The following SMG1 variants were observed in gnomAD, a reference collection of about 807,000 sequenced individuals.
The protein encoded by SMG1 is SMG1 nonsense mediated mRNA decay associated PI3K related kinase, also known as serine/threonine-protein kinase SMG1.
In SMG1, 22 loss-of-function variants were observed where a neutral mutation model predicts 419.9. The ratio of observed to expected loss-of-function variants is 0.05; its 90% confidence interval spans 0.04 to 0.07. SMG1 has a LOEUF of 0.07. Ranked by LOEUF, SMG1 falls within the 10% of genes least tolerant of loss-of-function variation. The pLI is 1.00. For missense variants in SMG1, 3,185 were observed against 4,342.0 expected, an observed-to-expected ratio of 0.73 and a Z score of 7.49; for synonymous variants, 1,538 against 1,553.5, an observed-to-expected ratio of 0.99 and a Z score of 0.23.
intron 51 of SMG1, among the ~76,000 whole-genome samples, chr16:18,830,888 T>C (rs1303294181): frequency 2.6e-5 from 4 of 152,254 alleles, no homozygotes; most frequent in Non-Finnish European, 5.9e-5. Flanking sequence ...ATGACTGTTA[T>C]GTGATTAAAT....
At chr16:18,876,964 T>A (rs1171998240) in intron 12 of SMG1, among the ~76,000 whole-genome samples, 167 bp downstream of exon 12, 1 of 152,158 alleles carries the variant, frequency 6.6e-6, no homozygotes, top group Middle Eastern at 3.2e-3. Flanking sequence ...AAGTATTCAG[T>A]ATGATTCTCA....
chr16:18,810,592 A>C (rs2031295668), intron 62 of SMG1, among the ~76,000 whole-genome samples: 1 of 152,306 alleles, frequency 6.6e-6, no homozygotes, highest in South Asian at 2.1e-4. Context: ...TAAGGGGAGG[A>C]CCATCTATCT....
At chr16:18,887,020 C>G (rs1489038997) in intron 6 of SMG1, among the ~76,000 whole-genome samples, 1 of 152,128 alleles carries the variant, frequency 6.6e-6, no homozygotes, top group Non-Finnish European at 1.5e-5. Context: ...GAGATGCATA[C>G]TAAAACATTA....
Position 18,869,250 on chromosome 16 carries a change from C to T in SMG1, c.2687G>A (p.Arg896His), listed in dbSNP as rs1052925102. 13 of 1,611,436 alleles carry T rather than the reference C, an allele frequency of 8.1e-6. No homozygotes were observed. Among genetic ancestry groups the T allele is most frequent in the African/African-American group, 1.3e-5 (1 of 74,826 alleles). ...LFYSCQRLDK[R>H]DQSTIPRNLL... The stretch of plus-strand genomic sequence containing the variant: ...ATTGCGTGGAATTGTTGACTGGTCA[C>T]GCTTATCCAGTCTCTGGCAGCTATA... Residue 896 changes from arginine (R) to histidine (H), a missense_variant, in exon 20 of 63, where the codon CGT becomes CAT. By Grantham distance (29) the Arg-to-His change is conservative. Coordinates refer to ENST00000446231, the MANE Select transcript of SMG1 (RefSeq NM_015092.5).
At chr16:18,842,662 A>G (rs1001426618) in intron 39 of SMG1, among the ~76,000 whole-genome samples, 5 of 152,080 alleles carry the variant, frequency 3.3e-5, no homozygotes, top group Non-Finnish European at 5.9e-5. Flanking sequence ...CCATCTCTAC[A>G]AAGAATACAA....
At chr16:18,924,078 G>C (rs1437475331) in intron 1 of SMG1, among the ~76,000 whole-genome samples, 5 of 152,056 alleles carry the variant, frequency 3.3e-5, no homozygotes, top group Non-Finnish European at 5.9e-5. Flanking sequence ...TCACAGTATC[G>C]TCTACCAAGG....
At chr16:18,809,837 T>C (rs375043036) in intron 62 of SMG1, among the ~76,000 whole-genome samples, 191 bp from the exon 63 acceptor site, 2 of 152,178 alleles carry the variant, frequency 1.3e-5, no homozygotes, top group East Asian at 1.9e-4. Context: ...TAACCAAGTA[T>C]ACTTTAAAAA....
intron 46 of SMG1, 25 bp downstream of exon 46, chr16:18,837,228 A>G: frequency 6.4e-7 from 1 of 1,567,502 alleles, no homozygotes; most frequent in South Asian, 1.2e-5. Context: ...GCACATATTT[A>G]GAAGAATTCA....
chr16:18,819,162 A>T (rs2032292098), intron 56 of SMG1, among the ~76,000 whole-genome samples: 1 of 152,262 alleles, frequency 6.6e-6, no homozygotes, highest in South Asian at 2.1e-4. Flanking sequence ...TGTGGAAAAA[A>T]TAATATTCCA....
chr16:18,837,381 T>C lies in SMG1; in HGVS notation c.7476A>G (p.Leu2492=), dbSNP rs189840449. 5 of 1,614,030 alleles carry C rather than the reference T, an allele frequency of 3.1e-6. No individual in the cohort carries two copies. Among genetic ancestry groups the C allele is most frequent in the African/African-American group, 1.3e-5 (1 of 75,068 alleles). ...GCTCTTGCAAGCTTAGGTATTCATC[T>C]AAGCTACCGTCCAACTTGGGAAGCA... ...LVVLPKLDGS[L]DEYLSLQEQL... The change falls in exon 46 of 63, where the codon TTA becomes TTG. Residue 2492 remains leucine (L), a synonymous_variant. Coordinates refer to ENST00000446231, the MANE Select transcript of SMG1 (RefSeq NM_015092.5).
chr16:18,902,926 C>G (rs187882585), intron 1 of SMG1, among the ~76,000 whole-genome samples: 1 of 152,104 alleles, frequency 6.6e-6, no homozygotes, highest in Non-Finnish European at 1.5e-5. Flanking sequence ...AAGCAAACCT[C>G]CCACATCAGC....
chr16:18,837,206 T>C, intron 46 of SMG1, 47 bp downstream of exon 46: 1 of 1,477,366 alleles, frequency 6.8e-7, no homozygotes, highest in Non-Finnish European at 9.2e-7. Flanking sequence ...AATATGAAAA[T>C]TCTAATTAAT....
chr16:18,867,993 C>A (rs991166954), intron 22 of SMG1, among the ~76,000 whole-genome samples, 197 bp downstream of exon 22: 1 of 152,120 alleles, frequency 6.6e-6, no homozygotes, highest in Non-Finnish European at 1.5e-5. Flanking sequence ...CAGGCGTGAG[C>A]CACCGCGCCC....
At chr16:18,843,712 T>C (rs943938260) in intron 39 of SMG1, among the ~76,000 whole-genome samples, 1 of 152,158 alleles carries the variant, frequency 6.6e-6, no homozygotes, top group African/African-American at 2.4e-5. Flanking sequence ...ACACACAATA[T>C]GATCTCATTC....
chr16:18,816,088 G>A, intron 58 of SMG1: 1 of 568,496 alleles, frequency 1.8e-6, no homozygotes, highest in East Asian at 3.0e-5. Flanking sequence ...ATCTAATTAA[G>A]CCTTAGCTTC....
intron 39 of SMG1, 99 bp from the exon 40 acceptor site, chr16:18,842,553 G>T: frequency 8.2e-7 from 1 of 1,212,730 alleles, no homozygotes; most frequent in East Asian, 2.5e-5. Flanking sequence ...AGGTCACGGC[G>T]GCAGCTCATG....
At chr16:18,846,698 T>C (rs1028137505) in intron 38 of SMG1, among the ~76,000 whole-genome samples, 2 of 152,064 alleles carry the variant, frequency 1.3e-5, no homozygotes, top group Non-Finnish European at 2.9e-5. Context: ...TCACAACAGC[T>C]ATTATCAAAA....
Position 18,879,499 on chromosome 16 carries a change from G to C in SMG1, c.1514C>G (p.Thr505Arg), listed in dbSNP as rs555498556. ...DYIISVLNLL[T>R]LIVEQINTKL... Reference sequence around the variant, plus strand: ...GGAAAAGAATAATTCACATACCAGCGTGAGTAAATTCAAGACTGAGATGAT... The same window carrying C: ...GGAAAAGAATAATTCACATACCAGCCTGAGTAAATTCAAGACTGAGATGAT... Residue 505 changes from threonine (T) to arginine (R), a missense_variant, in exon 11 of 63, where the codon ACG (threonine) becomes AGG (arginine). Around this residue, in one of 27 missense-constraint regions of SMG1, gnomAD observed 297 missense variants for 491.0 expected, o/e 0.60. Coordinates refer to ENST00000446231, the MANE Select transcript of SMG1 (RefSeq NM_015092.5). 7 of 815,368 alleles carry C rather than the reference G, an allele frequency of 8.6e-6. No homozygotes were observed. Among genetic ancestry groups the C allele is most frequent in the South Asian group, 2.9e-5 (2 of 68,404 alleles). The allele number at this position is 815,368 out of a possible 1,614,324, so 50.5% of individuals were successfully genotyped here. A position where few individuals can be genotyped will look rare whatever the true frequency, so the allele number is the denominator to read the frequency against.
intron 55 of SMG1, among the ~76,000 whole-genome samples, chr16:18,820,256 G>A (rs1375811205): frequency 2.6e-5 from 4 of 151,900 alleles, no homozygotes; most frequent in African/African-American, 4.8e-5. Context: ...GAGCCAGCAC[G>A]CCCAGCTACT....
Sources: allele counts gnomAD v4.1 joint callset (sites outside exome capture counted in the v4.1 genomes callset), GRCh38; gene constraint gnomAD v4.1.1; regional missense constraint gnomAD v4.1.1; transcripts MANE v1.5; gene names NCBI Gene and HGNC (gene_info 2026-07-23, HGNC 2026-07-21).